IFT43: variants seen among roughly 807,000 people sequenced by gnomAD.
IFT43 encodes the protein intraflagellar transport protein 43 homolog.
Under a neutral mutation model 32.3 loss-of-function variants are expected in IFT43, and 33 were observed. The observed-to-expected ratio is 1.02, with a 90% CI of 0.77 to 1.37. IFT43 has a LOEUF of 1.37. IFT43 is among the 40% of genes most tolerant of loss of function. The probability of loss-of-function intolerance (pLI) is 0.00; values close to 1 mark genes in which losing one functional copy is unlikely to be tolerated. For missense variants in IFT43, 274 were observed against 265.9 expected (o/e 1.03, Z -0.21); for synonymous variants, 93 against 98.2 (o/e 0.95, Z 0.31).
chr14:76,013,419 G>A lies in IFT43; in HGVS notation c.148-8908G>A, dbSNP rs145223892. ...CCCTAGCATCTGATCTGTCACCTCC[G>A]GAAAGGGAAGGCCAACAGTCCAGGC... On this transcript the variant is annotated intron_variant, in intron 2 of 8. Transcript: ENST00000314067. Among the ~76,000 whole-genome samples the A allele has an allele frequency of 4.1e-3, 619 of 152,280 alleles. 4 individuals carry two copies. The highest frequency in any genetic ancestry group is 0.014 in the African/African-American group (568 of 41,544).
At chr14:76,004,638 T>G (rs536490753) in intron 2 of IFT43, among the ~76,000 whole-genome samples, 1 of 152,350 alleles carries the variant, frequency 6.6e-6, no homozygotes, top group East Asian at 1.9e-4. Context: ...TCTTTCTCTT[T>G]GTGCCTGGGA....
rs148687024 is a variant in IFT43 at position 76,000,392 on chromosome 14, G to A, written c.147+11415G>A. ...CCATTCTCCTGCCTCAGCCTCCCGA[G>A]TAGCTAGGACTACAGGCGCCTGCCA... On this transcript the variant is annotated intron_variant, in intron 2 of 8. Coordinates refer to ENST00000314067, the MANE Select transcript of IFT43 (RefSeq NM_001102564.3). Among the ~76,000 whole-genome samples, 1,163 of 150,268 alleles carry A rather than the reference G, an allele frequency of 7.7e-3. 6 individuals are homozygous for A. The highest frequency in any genetic ancestry group is 0.016 in the South Asian group (77 of 4,744).
intron 2 of IFT43, among the ~76,000 whole-genome samples, chr14:75,999,261 A>ATT: frequency 4.3e-5 from 1 of 23,360 alleles, no homozygotes; most frequent in Non-Finnish European, 6.8e-5. Context: ...ATATATATAT[A>ATT]TATATATATA....
chr14:76,059,049 G>C, intron 4 of IFT43: 24 of 1,424,028 alleles, frequency 1.7e-5, no homozygotes, highest in Non-Finnish European at 2.2e-5. Context: ...AAGGTGCTGT[G>C]AAGGTAGGGC....
rs1485146040 is a variant in IFT43, at chr14:76,062,938, A to AAAAAAAAAAAAAGAAAAAAG, written c.295+3568_295+3569insAAAAAAAAAGAAAAAAGAAA. Among the ~76,000 whole-genome samples the AAAAAAAAAAAAAGAAAAAAG allele has an allele frequency of 7.0e-3, 847 of 120,604 alleles. 7 individuals are homozygous for AAAAAAAAAAAAAGAAAAAAG. Among genetic ancestry groups the AAAAAAAAAAAAAGAAAAAAG allele is most frequent in the Non-Finnish European group, 9.1e-3 (554 of 60,816 alleles). The allele number at this position is 120,604 out of a possible 152,430, so 79.1% of individuals were successfully genotyped here. A position where few individuals can be genotyped will look rare whatever the true frequency, so the allele number is the denominator to read the frequency against. On this transcript the variant is annotated intron_variant, in intron 5 of 8. Coordinates refer to ENST00000314067, the MANE Select transcript of IFT43 (RefSeq NM_001102564.3). ...ATCTCAAAAAAAAAAAAAAAAAAAA[A>AAAAAAAAAAAAAGAAAAAAG]AAAGAAAATACATTAAGTCAAACCA... is the stretch of plus-strand genomic sequence containing the variant.
intron 2 of IFT43, among the ~76,000 whole-genome samples, chr14:75,999,260 T>C (rs1462972087): frequency 5.1e-5 from 1 of 19,760 alleles, no homozygotes; most frequent in African/African-American, 2.8e-4. Flanking sequence ...TATATATATA[T>C]ATATATATAT....
rs1458278671 is a variant in IFT43 at position 76,012,420 on chromosome 14, G to T, written c.148-9907G>T. On this transcript the variant is annotated intron_variant, in intron 2 of 8. Transcript: ENST00000314067. ...CATTCGGATGAGACCATATAAAGAG[G>T]CCATTTCCTGAAATTCCCGCTCTCT... is the stretch of plus-strand genomic sequence containing the variant. Among the ~76,000 whole-genome samples, 6 of 152,176 alleles carry T rather than the reference G, an allele frequency of 3.9e-5. No homozygotes were observed. The South Asian group carries it at 1.2e-3, about 32-fold the overall frequency.
intron 7 of IFT43, 35 bp downstream of exon 7, chr14:76,082,727 T>C: frequency 7.0e-7 from 1 of 1,424,588 alleles, no homozygotes; most frequent in Non-Finnish European, 9.9e-7. Flanking sequence ...AGAGGCGGGC[T>C]CCAAGCAATG....
intron 2 of IFT43, among the ~76,000 whole-genome samples, chr14:76,010,673 C>A (rs893025509): frequency 6.6e-6 from 1 of 151,810 alleles, no homozygotes; most frequent in Admixed American, 6.6e-5. Flanking sequence ...GATACTTCAG[C>A]ATATATCTAA....
At chr14:76,021,763 G>A (rs1036516290) in intron 2 of IFT43, among the ~76,000 whole-genome samples, 1 of 152,286 alleles carries the variant, frequency 6.6e-6, no homozygotes, top group Non-Finnish European at 1.5e-5. Context: ...AAAAGTATGA[G>A]CATTTTTAAG....
chr14:76,073,012 C>T (rs540214589), intron 5 of IFT43, among the ~76,000 whole-genome samples: 3 of 152,176 alleles, frequency 2.0e-5, no homozygotes, highest in Non-Finnish European at 4.4e-5. Context: ...ATGAGGACCA[C>T]TGCCCAGGGA....
At chr14:75,999,265 A>AATATTCATTTATATATAAATTCATTT (rs2035828334) in intron 2 of IFT43, among the ~76,000 whole-genome samples, 1 of 23,748 alleles carries the variant, frequency 4.2e-5, no homozygotes, top group Non-Finnish European at 6.5e-5. Context: ...ATATATATAT[A>AATATTCATTTATATATAAATTCATTT]TATATATGTA....
In IFT43 at chr14:76,082,338, C is replaced by T. The variant is rs1566740219; in HGVS notation, c.339C>T (p.Asp113=). The T allele has an allele frequency of 6.2e-7, 1 of 1,613,578 alleles. No individual in the cohort carries two copies. The highest frequency in any genetic ancestry group is 1.1e-5 in the South Asian group (1 of 91,064). The change falls in exon 6 of 9, where the codon GAC becomes GAT. Residue 113 remains aspartate, a synonymous_variant. Coordinates refer to ENST00000314067, the MANE Select transcript of IFT43 (RefSeq NM_001102564.3). ...ATCTGGAGGAAGTACAGGAAGAAGA[C>T]TTTGTTTTGCAGGTGGCAGCCCCTC... ...IPDLEEVQEE[D]FVLQVAAPPS...
chr14:76,002,668 C>T (rs1296624459), intron 2 of IFT43, among the ~76,000 whole-genome samples: 1 of 152,188 alleles, frequency 6.6e-6, no homozygotes, highest in Non-Finnish European at 1.5e-5. Context: ...TCAGTGTGTG[C>T]TCAGGGCATT....
intron 5 of IFT43, among the ~76,000 whole-genome samples, chr14:76,069,990 A>C (rs1244786061): frequency 6.6e-6 from 1 of 152,236 alleles, no homozygotes; most frequent in Non-Finnish European, 1.5e-5. Flanking sequence ...TTCCTAAAGG[A>C]CAAGCTGGGT....
At chr14:76,044,303 G>C (rs954789504) in intron 3 of IFT43, among the ~76,000 whole-genome samples, 5 of 152,092 alleles carry the variant, frequency 3.3e-5, no homozygotes, top group African/African-American at 1.2e-4. Flanking sequence ...GCCTCCCAAA[G>C]TGTCGGGATT....
intron 1 of IFT43, among the ~76,000 whole-genome samples, chr14:75,986,533 G>A (rs2035532838): frequency 6.6e-6 from 1 of 152,228 alleles, no homozygotes; most frequent in African/African-American, 2.4e-5. Context: ...ACAGTGAAAA[G>A]GAAATGCAAC....
Position 76,064,956 on chromosome 14 carries a change from G to C in IFT43, c.295+5583G>C, listed in dbSNP as rs370519060. The stretch of plus-strand genomic sequence containing the variant: ...TCATGGAAATACTAAATTTCAAGGA[G>C]TAACTGCTAAATGTTATAGCAAAAT... On this transcript the variant is annotated intron_variant, in intron 5 of 8. Transcript: ENST00000314067. 2.1e-4 allele frequency among the ~76,000 whole-genome samples: 32 copies of C among 152,252 alleles called. 1 individual carries two copies. In the South Asian group the frequency reaches 6.6e-3, roughly 32 times the overall value.
intron 2 of IFT43, among the ~76,000 whole-genome samples, chr14:76,001,635 A>T (rs2035887448): frequency 6.6e-6 from 1 of 152,216 alleles, no homozygotes; most frequent in Non-Finnish European, 1.5e-5. Context: ...AGTTGGCTTG[A>T]TCCAGGCTTT....
Sources: gnomAD v4.1 joint callset for allele counts (sites outside exome capture counted in the v4.1 genomes callset) on GRCh38, gnomAD v4.1.1 for gene constraint, MANE v1.5 for transcripts, NCBI Gene and HGNC (gene_info 2026-07-23, HGNC 2026-07-21) for gene names.